RTN4IP1: variants seen among roughly 807,000 people sequenced by gnomAD.
The protein encoded by RTN4IP1 is reticulon 4 interacting protein 1, also known as NAD(P)H oxidoreductase RTN4IP1, mitochondrial.
RTN4IP1 carries 32 observed loss-of-function variants against 46.6 expected under a neutral mutation model. That is an observed-to-expected ratio of 0.69 (90% confidence interval 0.52 to 0.92). The LOEUF is 0.92. RTN4IP1 is among the 40% of genes least tolerant of loss of function. The probability of loss-of-function intolerance (pLI) is 0.00; values close to 1 mark genes in which losing one functional copy is unlikely to be tolerated. For synonymous variants in RTN4IP1, 167 were observed against 161.8 expected (o/e 1.03, Z -0.24); for missense variants, 424 against 485.8 (o/e 0.87, Z 1.20).
chr6:106,595,876 A>C (rs4945759), intron 5 of RTN4IP1, among the ~76,000 whole-genome samples: 118,770 of 152,136 alleles, frequency 0.78, 47,792 homozygotes, highest in Non-Finnish European at 0.89. Flanking sequence ...TTATACAGTT[A>C]ATGTAGGAAA....
At chr6:106,597,273 G>A (rs1030865304) in intron 5 of RTN4IP1, among the ~76,000 whole-genome samples, 1 of 152,004 alleles carries the variant, frequency 6.6e-6, no homozygotes, top group Non-Finnish European at 1.5e-5. Context: ...TTTCCCCTTC[G>A]AGGACTCCTA....
At position 106,621,426 on chromosome 6, in the gene RTN4IP1, T is replaced by C. The variant is rs1443329970; in HGVS notation, c.494A>G (p.Glu165Gly). The C allele has an allele frequency of 3.1e-6, 5 of 1,611,400 alleles. No individual in the cohort carries two copies. The highest frequency in any genetic ancestry group is 3.3e-4 in the Middle Eastern group (2 of 6,052). Residue 165 changes from glutamate to glycine, a missense_variant and splice_region_variant, in exon 3 of 9, where the codon GAG becomes GGG. Physicochemically the swap from Glu to Gly is moderately conservative, Grantham distance 98. Coordinates refer to ENST00000369063, the MANE Select transcript of RTN4IP1 (RefSeq NM_032730.5). ...ATTTCAGCAGAGTTGGTAAGTTACCTCATTCCCACTGACTACAACAAACTC... is the reference window on the plus strand; with the variant it reads ...ATTTCAGCAGAGTTGGTAAGTTACCCCATTCCCACTGACTACAACAAACTC... ...LSEFVVVSGNEVSHKPKSLTH... is the reference protein window; with the variant it reads ...LSEFVVVSGNGVSHKPKSLTH...
intron 4 of RTN4IP1, among the ~76,000 whole-genome samples, chr6:106,617,652 G>A (rs112213694): frequency 4.6e-5 from 7 of 152,234 alleles, no homozygotes; most frequent in African/African-American, 1.7e-4. Context: ...ACAACAAACT[G>A]AGGACTCACA....
At chr6:106,586,827 G>C (rs1030214449) in intron 7 of RTN4IP1, among the ~76,000 whole-genome samples, 2 of 152,140 alleles carry the variant, frequency 1.3e-5, no homozygotes, top group Admixed American at 6.5e-5. Context: ...GAGAGCAGAC[G>C]CTCAAGCTCT....
chr6:106,622,627 G>A (rs762394648), intron 2 of RTN4IP1, among the ~76,000 whole-genome samples, 191 bp downstream of exon 2: 1 of 152,186 alleles, frequency 6.6e-6, no homozygotes, highest in South Asian at 2.1e-4. Context: ...CGAGACCTAC[G>A]TCATTTAATC....
chr6:106,627,580 A>G lies in RTN4IP1; in HGVS notation c.274+1168T>C, dbSNP rs371533827. Among the ~76,000 whole-genome samples, 96 of 152,196 alleles carry G rather than the reference A, an allele frequency of 6.3e-4. 2 individuals carry two copies. The highest frequency in any genetic ancestry group is 2.2e-3 in the African/African-American group (90 of 41,534). Reference sequence around the variant, plus strand: ...ACATGCTGATCATTGAGTAAAACTTACCACTAAAAGACATATCTTATAAAA... The same window carrying G: ...ACATGCTGATCATTGAGTAAAACTTGCCACTAAAAGACATATCTTATAAAA... On this transcript the variant is annotated intron_variant, in intron 1 of 8. Transcript: ENST00000369063.
intron 7 of RTN4IP1, among the ~76,000 whole-genome samples, chr6:106,585,826 G>C (rs1002360642): frequency 8.5e-5 from 13 of 152,304 alleles, no homozygotes; most frequent in Middle Eastern, 3.4e-3. Context: ...TTTACTCTCC[G>C]AGGACAACTC....
chr6:106,580,237 G>A (rs954572876), intron 8 of RTN4IP1, among the ~76,000 whole-genome samples: 9 of 141,548 alleles, frequency 6.4e-5, no homozygotes, highest in African/African-American at 1.9e-4. Flanking sequence ...AAAAAAGATA[G>A]TTTAAATCAC....
chr6:106,597,379 A>G lies in RTN4IP1; in HGVS notation c.670-5079T>C, dbSNP rs547127467. 2.1e-4 allele frequency among the ~76,000 whole-genome samples: 32 copies of G among 152,002 alleles called. No homozygotes were observed. The South Asian group carries it at 6.7e-3, about 32-fold the overall frequency. ...TTTCTGTTTTTTTGAGATAGGTCTCACTCTGTCCAGGCTGAAGTGCAGTGG... is the reference window on the plus strand; with the variant it reads ...TTTCTGTTTTTTTGAGATAGGTCTCGCTCTGTCCAGGCTGAAGTGCAGTGG... On this transcript the variant is annotated intron_variant, in intron 5 of 8. Transcript: ENST00000369063.
intron 5 of RTN4IP1, among the ~76,000 whole-genome samples, chr6:106,597,622 G>C (rs1233686896): frequency 6.6e-6 from 1 of 151,450 alleles, no homozygotes; most frequent in Non-Finnish European, 1.5e-5. Flanking sequence ...GGGATTACAG[G>C]GTGAGCCACT....
At chr6:106,617,255 A>G (rs1241428819) in intron 4 of RTN4IP1, among the ~76,000 whole-genome samples, 1 of 152,212 alleles carries the variant, frequency 6.6e-6, no homozygotes, top group Non-Finnish European at 1.5e-5. Flanking sequence ...CACTGTGCTC[A>G]CTGAGTCACT....
chr6:106,572,967 A>T (rs1775115922), intron 8 of RTN4IP1, among the ~76,000 whole-genome samples: 1 of 152,174 alleles, frequency 6.6e-6, no homozygotes, highest in Non-Finnish European at 1.5e-5. Context: ...TAAGTGGGAA[A>T]AACGCACCTC....
intron 8 of RTN4IP1, among the ~76,000 whole-genome samples, chr6:106,574,922 G>T (rs1214453502): frequency 6.6e-6 from 1 of 152,220 alleles, no homozygotes; most frequent in African/African-American, 2.4e-5. Context: ...ACCCGAGAGG[G>T]CTGACCACGG....
At chr6:106,619,387 A>G in intron 3 of RTN4IP1, 61 bp from the exon 4 acceptor site, 5 of 1,595,828 alleles carry the variant, frequency 3.1e-6, no homozygotes. Context: ...AACACAATTA[A>G]GCACATTTAC....
chr6:106,611,856 C>T (rs1776233603), intron 4 of RTN4IP1, among the ~76,000 whole-genome samples: 1 of 152,168 alleles, frequency 6.6e-6, no homozygotes, highest in Non-Finnish European at 1.5e-5. Flanking sequence ...CCCAAGAAAA[C>T]AAAGCTATTT....
chr6:106,572,342 G>C, intron 8 of RTN4IP1: 1 of 510,856 alleles, frequency 2.0e-6, no homozygotes, highest in Non-Finnish European at 3.5e-6. Context: ...TCTCCTCCAT[G>C]CTGGTCTTTC....
chr6:106,611,290 G>A (rs1037836908), intron 4 of RTN4IP1, among the ~76,000 whole-genome samples: 3 of 152,002 alleles, frequency 2.0e-5, no homozygotes, highest in Non-Finnish European at 2.9e-5. Context: ...AAAAAGAACA[G>A]GTGCTTTCCA....
At chr6:106,622,782 G>A (rs1776514052) in intron 2 of RTN4IP1, 36 bp downstream of exon 2, 1 of 1,587,574 alleles carries the variant, frequency 6.3e-7, no homozygotes, top group Non-Finnish European at 8.6e-7. Context: ...TCTGTGGGTT[G>A]GATCCCCGCA....
At chr6:106,600,145 G>A (rs941836450) in intron 5 of RTN4IP1, among the ~76,000 whole-genome samples, 1 of 152,042 alleles carries the variant, frequency 6.6e-6, no homozygotes, top group Non-Finnish European at 1.5e-5. Flanking sequence ...AGCACCATCT[G>A]GGTTCTCAAA....
Sources: allele counts gnomAD v4.1 joint callset (sites outside exome capture counted in the v4.1 genomes callset), GRCh38; gene constraint gnomAD v4.1.1; transcripts MANE v1.5; gene names NCBI Gene and HGNC (gene_info 2026-07-23, HGNC 2026-07-21).